Variants in WIPI2 observed in about 807,000 individuals in gnomAD.
WIPI2 encodes the protein WD repeat domain phosphoinositide-interacting protein 2.
A neutral mutation model predicts 52.3 loss-of-function variants in WIPI2; 28 were observed. The ratio of observed to expected loss-of-function variants is 0.54; its 90% CI spans 0.40 to 0.73. WIPI2 has a LOEUF of 0.73. WIPI2 is among the 30% of genes least tolerant of loss of function. The pLI, the probability that WIPI2 is intolerant of heterozygous loss-of-function variation, is 0.00. For synonymous variants in WIPI2, 268 were observed against 245.0 expected, an observed-to-expected ratio of 1.09 and a Z score of -0.88; for missense variants, 506 against 602.9, an observed-to-expected ratio of 0.84 and a Z score of 1.68.
In WIPI2 at chr7:5,197,928, T is replaced by G. The variant is rs906813640; in HGVS notation, c.129-1648T>G. 6.2e-4 allele frequency among the ~76,000 whole-genome samples: 94 copies of G among 152,236 alleles called. 1 individual carries two copies. Among genetic ancestry groups the G allele is most frequent in the African/African-American group, 2.0e-3 (81 of 41,468 alleles). On this transcript the variant is annotated intron_variant, in intron 2 of 12. Coordinates refer to ENST00000288828, the MANE Select transcript of WIPI2 (RefSeq NM_015610.4). ...CTGAAAGCTGGACTTGCTTCTTGTT[T>G]TGCTTTCTTTGGTCAACTGGGTTCT...
intron 4 of WIPI2, 151 bp from the exon 5 acceptor site, chr7:5,216,412 A>T (rs1316228067): frequency 1.2e-5 from 7 of 598,024 alleles, no homozygotes; most frequent in Non-Finnish European, 2.1e-5. Flanking sequence ...AGCCCGGGTG[A>T]CACAGCGAGA....
At chr7:5,195,717 A>G (rs1308060021) in intron 2 of WIPI2, among the ~76,000 whole-genome samples, 1 of 152,148 alleles carries the variant, frequency 6.6e-6, no homozygotes, top group East Asian at 1.9e-4. Flanking sequence ...GAAAATATCA[A>G]TCATATTTAT....
Position 5,227,472 on chromosome 7 carries a change from G to A in WIPI2, c.1013+128G>A. On this transcript the variant is annotated intron_variant, in intron 10 of 12. Transcript: ENST00000288828. This position sits in a 1 kb window ranked among gnomAD's most constrained non-coding sequence, Gnocchi z 8.1. Reference sequence around the variant, plus strand: ...CTTCTTAGAGCCGACACTCCATCGAGAGTTGTCGGGGATGGGAGGTCCCCT... The same window carrying A: ...CTTCTTAGAGCCGACACTCCATCGAAAGTTGTCGGGGATGGGAGGTCCCCT... 1 of 1,322,970 alleles carries A rather than the reference G, an allele frequency of 7.6e-7. No individual in the cohort carries two copies. The highest frequency in any genetic ancestry group is 1.0e-6 in the Non-Finnish European group (1 of 987,852). The allele number at this position is 1,322,970 out of a possible 1,614,324, so 82.0% of individuals were successfully genotyped here.
intron 3 of WIPI2, among the ~76,000 whole-genome samples, chr7:5,205,991 AT>A (rs199589905): frequency 4.1e-5 from 6 of 146,842 alleles, no homozygotes; most frequent in East Asian, 2.0e-4. Context: ...GGTTGCAAAT[AT>A]TTTTTTTTTC....
At chr7:5,198,733 TAA>T (rs1781873773) in intron 2 of WIPI2, among the ~76,000 whole-genome samples, 1 of 152,226 alleles carries the variant, frequency 6.6e-6, no homozygotes, top group Admixed American at 6.5e-5. Flanking sequence ...ATCCCAAACT[TAA>T]AGTTTTATAG....
chr7:5,210,745 G>A (rs749944089), intron 3 of WIPI2, among the ~76,000 whole-genome samples: 8 of 152,204 alleles, frequency 5.3e-5, no homozygotes, highest in African/African-American at 1.9e-4. Context: ...TCTCTGGGAC[G>A]CTGGATTAGC....
chr7:5,229,371 T>C, intron 11 of WIPI2: 1 of 391,262 alleles, frequency 2.6e-6, no homozygotes, highest in East Asian at 4.9e-5. Context: ...TCTTCCATTG[T>C]AAAAGTGAAA....
intron 3 of WIPI2, among the ~76,000 whole-genome samples, chr7:5,203,656 G>A (rs59601349): frequency 0.034 from 4,632 of 137,118 alleles, 93 homozygotes; most frequent in Middle Eastern, 0.096. Flanking sequence ...TTTTTGAGAC[G>A]GAGTGTCGCT....
At chr7:5,221,625 C>G (rs1057063620) in intron 7 of WIPI2, among the ~76,000 whole-genome samples, 3 of 152,102 alleles carry the variant, frequency 2.0e-5, no homozygotes, top group African/African-American at 7.2e-5. Context: ...CTGTTTATTC[C>G]CCCAGATGTT....
At chr7:5,225,279 T>G (rs1013393433) in intron 8 of WIPI2, among the ~76,000 whole-genome samples, 1 of 152,096 alleles carries the variant, frequency 6.6e-6, no homozygotes, top group Non-Finnish European at 1.5e-5. Flanking sequence ...TAGCTGGGAC[T>G]ACAGGCACCC....
intron 3 of WIPI2, among the ~76,000 whole-genome samples, chr7:5,209,846 C>T (rs1562393628): frequency 6.6e-6 from 1 of 152,158 alleles, no homozygotes; most frequent in South Asian, 2.1e-4. Context: ...TTCCCTTGCC[C>T]ATGCATATCC....
At position 5,193,149 on chromosome 7, in the gene WIPI2, C is replaced by G; in HGVS notation, c.106C>G (p.Leu36Val). 2.5e-6 allele frequency: 4 copies of G among 1,613,896 alleles called. No homozygotes were observed. Among genetic ancestry groups the G allele is most frequent in the Non-Finnish European group, 3.4e-6 (4 of 1,179,996 alleles). The change falls in exon 2 of 13, where the codon CTT becomes GTT. Residue 36 changes from leucine (L) to valine (V), a missense_variant. Around this residue, in one of 4 missense-constraint regions of WIPI2, gnomAD observed 60 missense variants for 49.7 expected, o/e 1.21. Coordinates refer to ENST00000288828, the MANE Select transcript of WIPI2 (RefSeq NM_015610.4). ...EVKGASRAAG[L>V]GRRAVVWSLA... ...GAAAGGGGCATCAAGAGCAGCTGGTCTTGGCCGTCGCGCTGTTGTCTGGTT... is the reference window on the plus strand; with the variant it reads ...GAAAGGGGCATCAAGAGCAGCTGGTGTTGGCCGTCGCGCTGTTGTCTGGTT...
intron 3 of WIPI2, among the ~76,000 whole-genome samples, chr7:5,205,563 G>A (rs1441292196): frequency 1.3e-5 from 2 of 152,130 alleles, no homozygotes; most frequent in African/African-American, 2.4e-5. Context: ...TGTCCCCACA[G>A]GAGGAGGTGG....
chr7:5,199,743 C>A (rs1391240978), intron 3 of WIPI2, 85 bp downstream of exon 3: 1 of 1,362,004 alleles, frequency 7.3e-7, no homozygotes, highest in Non-Finnish European at 1.0e-6. Flanking sequence ...AATTCAGACG[C>A]TGTGGTTGAA....
chr7:5,228,174 C>T lies in WIPI2; in HGVS notation c.1084C>T (p.Gln362Ter). 2 of 1,613,728 alleles carry T rather than the reference C, an allele frequency of 1.2e-6. No homozygotes were observed. Among genetic ancestry groups the T allele is most frequent in the Non-Finnish European group, 1.7e-6 (2 of 1,179,972 alleles). Reference protein sequence around the residue: ...GYLYMYNLDPQEGGECALMKQ... With the variant: ...GYLYMYNLDP ...CCTGTACATGTACAACCTGGACCCC[C>T]AGGAGGGCGGCGAGTGTGCCCTGAT... Residue 362 changes from glutamine (Q) to a stop codon, truncating the protein, a stop_gained, in exon 11 of 13, where the codon CAG becomes TAG. Coordinates refer to ENST00000288828, the MANE Select transcript of WIPI2 (RefSeq NM_015610.4). LOFTEE classifies it high-confidence loss of function.
Position 5,230,944 on chromosome 7 carries a change from C to G in WIPI2, c.1362C>G (p.Asp454Glu), listed in dbSNP as rs138780894. 382 of 1,610,324 alleles carry G rather than the reference C, an allele frequency of 2.4e-4. 1 individual carries two copies. The highest frequency in any genetic ancestry group is 2.7e-4 in the Non-Finnish European group (316 of 1,178,110). ...SEHPPMILRTD is the reference protein window; with the variant it reads ...SEHPPMILRTE Reference sequence around the variant, plus strand: ...ACCCGCCCATGATTCTTCGGACTGACTGAACTTGACCTGTGACCTCTGACC... The same window carrying G: ...ACCCGCCCATGATTCTTCGGACTGAGTGAACTTGACCTGTGACCTCTGACC... The change falls in exon 13 of 13, where the codon GAC (aspartate) becomes GAG (glutamate). Residue 454 changes from aspartate to glutamate, a missense_variant. Physicochemically the swap from Asp to Glu is conservative, Grantham distance 45. Transcript: ENST00000288828. The surrounding 1 kb of genome is among the most constrained non-coding windows in gnomAD (Gnocchi z 4.8).
In WIPI2 at chr7:5,217,910, T is replaced by C. The variant is rs373340274; in HGVS notation, c.577-12T>C. ...GTGCGGTGGCCACTCTTTATTGGTGTCCCTTTTTCAGAGAGCTGCAAACAT... is the reference window on the plus strand; with the variant it reads ...GTGCGGTGGCCACTCTTTATTGGTGCCCCTTTTTCAGAGAGCTGCAAACAT... On this transcript the variant is annotated splice_polypyrimidine_tract_variant and intron_variant, in intron 6 of 12. Coordinates refer to ENST00000288828, the MANE Select transcript of WIPI2 (RefSeq NM_015610.4). 19 of 1,613,900 alleles carry C rather than the reference T, an allele frequency of 1.2e-5. No individual in the cohort carries two copies. In the East Asian group the frequency reaches 2.0e-4, roughly 17 times the overall value.
At position 5,229,681 on chromosome 7, in the gene WIPI2, A is replaced by T. The variant is rs758051521; in HGVS notation, c.1195A>T (p.Thr399Ser). Reference protein sequence around the residue: ...ASHDCPLVTQTYGAAAGKGTY... With the variant: ...ASHDCPLVTQSYGAAAGKGTY... ...TCACGACTGCCCCTTAGTCACTCAG[A>T]CATACGGCGCAGCTGCAGGAAAAGG... The change falls in exon 12 of 13, where the codon ACA (threonine) becomes TCA (serine). Residue 399 changes from threonine (T) to serine (S), a missense_variant. Thr to Ser is a moderately conservative substitution (Grantham distance 58). Around this residue, in one of 4 missense-constraint regions of WIPI2, gnomAD observed 194 missense variants for 175.1 expected, o/e 1.11. Coordinates refer to ENST00000288828, the MANE Select transcript of WIPI2 (RefSeq NM_015610.4). 1.3e-5 allele frequency: 21 copies of T among 1,614,000 alleles called. No individual in the cohort carries two copies. Among genetic ancestry groups the T allele is most frequent in the Non-Finnish European group, 1.7e-5 (20 of 1,180,004 alleles).
At chr7:5,223,557 C>T (rs1270169357) in intron 8 of WIPI2, among the ~76,000 whole-genome samples, 1 of 152,200 alleles carries the variant, frequency 6.6e-6, no homozygotes, top group African/African-American at 2.4e-5. Context: ...TGTGTTGCTG[C>T]TTCTGCCCAG....
Sources: gnomAD v4.1 joint callset for allele counts (sites outside exome capture counted in the v4.1 genomes callset) on GRCh38, gnomAD v4.1.1 for gene constraint, gnomAD v4.1.1 regional missense constraint, Gnocchi (gnomAD v3.1) non-coding constraint, MANE v1.5 for transcripts, NCBI Gene and HGNC (gene_info 2026-07-23, HGNC 2026-07-21) for gene names.